FAM161B: variants seen among roughly 807,000 people sequenced by gnomAD.
The protein encoded by FAM161B is protein FAM161B.
A neutral mutation model predicts 61.5 loss-of-function variants in FAM161B; 46 were observed. That is an observed-to-expected ratio of 0.75 (90% CI 0.59 to 0.96). The LOEUF (loss-of-function observed/expected upper bound fraction) is 0.96, where lower values mean the gene tolerates loss of function less well. Ranked by LOEUF, FAM161B falls within the 40% of genes least tolerant of loss-of-function variation. The pLI is 0.00. For synonymous variants in FAM161B, 284 were observed against 302.7 expected, an observed-to-expected ratio of 0.94 and a Z score of 0.64; for missense variants, 774 against 800.7, an observed-to-expected ratio of 0.97 and a Z score of 0.40.
At position 73,944,579 on chromosome 14, in the gene FAM161B, C is replaced by T. The variant is rs201146693; in HGVS notation, c.681G>A (p.Leu227=). ...GCTCCATGATCTCTTGGTAGAGGGG[C>T]AGGTAGACATGTGCAGGCACAGGCT... The part of the protein sequence containing the change: ...RAQPVPAHVY[L]PLYQEIMERS... Residue 227 remains leucine, a synonymous_variant, in exon 3 of 9, where the codon CTG becomes CTA. Transcript: ENST00000286544. The T allele has an allele frequency of 6.2e-7, 1 of 1,614,102 alleles. No homozygotes were observed. The highest frequency in any genetic ancestry group is 8.5e-7 in the Non-Finnish European group (1 of 1,180,014).
At chr14:73,930,336 T>A (rs987984441), downstream of FAM161B, among the ~76,000 whole-genome samples, 4 of 152,118 alleles carry the variant, frequency 2.6e-5, no homozygotes, top group Non-Finnish European at 5.9e-5. Flanking sequence ...TAAAAAAAAG[T>A]TTTTTTGGTG....
chr14:73,926,380 C>CT, the FAM161B span, among the ~76,000 whole-genome samples: 49 of 151,204 alleles, frequency 3.2e-4, no homozygotes, highest in South Asian at 8.3e-4. Context: ...TATAATAGTC[C>CT]TTTTTTTTCA....
intron 8 of FAM161B, 60 bp from the exon 9 acceptor site, chr14:73,934,454 C>T (rs1454308950): frequency 3.9e-6 from 6 of 1,527,164 alleles, no homozygotes; most frequent in Admixed American, 4.0e-5. Flanking sequence ...CAGGGTCTCA[C>T]TCTCACCCAG....
At position 73,941,068 on chromosome 14, in the gene FAM161B, G is replaced by C. The variant is rs1451915699; in HGVS notation, c.1273-15C>G. ...TGTGGGGAATCCTAGAAGAAACAAA[G>C]GTTGGTATTGGTGGGACAGCATGTG... On this transcript the variant is annotated splice_polypyrimidine_tract_variant and intron_variant, in intron 4 of 8. Transcript: ENST00000286544. 8 of 1,596,288 alleles carry C rather than the reference G, an allele frequency of 5.0e-6. No homozygotes were observed. The highest frequency in any genetic ancestry group is 6.8e-6 in the Non-Finnish European group (8 of 1,169,030).
downstream of FAM161B, chr14:73,927,089 AT>A (rs113156661): frequency 0.08 from 12,075 of 151,580 alleles, 608 homozygotes; most frequent in African/African-American, 0.17. Flanking sequence ...GTTTATTATG[AT>A]TTTTTTTTTT....
At chr14:73,944,933 C>G in intron 2 of FAM161B, 48 bp from the exon 3 acceptor site, 1 of 1,446,328 alleles carries the variant, frequency 6.9e-7, no homozygotes, top group East Asian at 2.4e-5. Flanking sequence ...AGTCAGGAGG[C>G]CCTGCTCCCT....
At chr14:73,945,619 C>A (rs12878756) in intron 2 of FAM161B, among the ~76,000 whole-genome samples, 5 of 151,502 alleles carry the variant, frequency 3.3e-5, no homozygotes, top group African/African-American at 4.9e-5. Flanking sequence ...TTAGTAGAGA[C>A]GGGGTTTCAC....
rs1459676228 is a variant in FAM161B at position 73,946,296 on chromosome 14, G to A, written c.364C>T (p.Gln122Ter). ...DRGMVQVQCP[Q>*]ALRCGSTRRC... ...GCTGCAGTGCCTTACCTCAGAGCCT[G>A]CGGGCACTGGACCTGCACCATCCCC... The change falls in exon 2 of 9, where the codon CAG (glutamine) becomes TAG (stop). Residue 122 changes from glutamine to a stop codon, truncating the protein, a stop_gained. Coordinates refer to ENST00000286544, the MANE Select transcript of FAM161B (RefSeq NM_152445.3). LOFTEE classifies it high-confidence loss of function. 6.2e-7 allele frequency: 1 copy of A among 1,612,648 alleles called. No homozygotes were observed. The highest frequency in any genetic ancestry group is 1.3e-5 in the African/African-American group (1 of 74,908).
At chr14:73,947,215 G>C (rs1290635376) in intron 1 of FAM161B, among the ~76,000 whole-genome samples, 1 of 151,950 alleles carries the variant, frequency 6.6e-6, no homozygotes, top group Non-Finnish European at 1.5e-5. Context: ...GTGAAATCCC[G>C]TCTCTACAAA....
At position 73,946,303 on chromosome 14, in the gene FAM161B, C is replaced by T; in HGVS notation, c.357G>A (p.Gln119=). 6.2e-7 allele frequency: 1 copy of T among 1,613,334 alleles called. No individual in the cohort carries two copies. The highest frequency in any genetic ancestry group is 2.2e-5 in the East Asian group (1 of 44,870). The change falls in exon 2 of 9, where the codon CAG becomes CAA. Residue 119 remains glutamine, a synonymous_variant. Coordinates refer to ENST00000286544, the MANE Select transcript of FAM161B (RefSeq NM_152445.3). ...TGCCTTACCTCAGAGCCTGCGGGCA[C>T]TGGACCTGCACCATCCCCCTGTCCT... ...QDKDRGMVQV[Q]CPQALRCGST... is the part of the protein sequence containing the mutation.
Position 73,940,970 on chromosome 14 carries a change from AGG to A in FAM161B, c.1354_1355del (p.Pro452CysfsTer19). On this transcript the variant is annotated frameshift_variant, in exon 5 of 9. Transcript: ENST00000286544. LOFTEE classifies it high-confidence loss of function. ...TCCTGGTGGCATCTGTGATGTGCAC[AGG>A]GAGAGTGTTGGCAGAGAGGGAAGCA... ...GLASLSANTL[P>X]VHITDATRKR... The A allele has an allele frequency of 6.2e-7, 1 of 1,613,742 alleles. No individual in the cohort carries two copies. The highest frequency in any genetic ancestry group is 8.5e-7 in the Non-Finnish European group (1 of 1,179,744).
chr14:73,945,558 A>C (rs1339902461), intron 2 of FAM161B, among the ~76,000 whole-genome samples: 1 of 151,776 alleles, frequency 6.6e-6, no homozygotes, highest in Non-Finnish European at 1.5e-5. Context: ...CCTTCCGAGT[A>C]GCTGGGATTA....
At position 73,944,541 on chromosome 14, in the gene FAM161B, C is replaced by T. The variant is rs778856278; in HGVS notation, c.719G>A (p.Arg240Gln). 7.4e-6 allele frequency: 12 copies of T among 1,613,992 alleles called. No homozygotes were observed. The highest frequency in any genetic ancestry group is 3.3e-5 in the Admixed American group (2 of 60,000). ...YQEIMERSEA[R>Q]RQAGIQKRKE... ...CCTCTTCTGGATCCCTGCCTGCCTT[C>T]GGGCCTCGCTGCGCTCCATGATCTC... The change falls in exon 3 of 9, where the codon CGA (arginine) becomes CAA (glutamine). Residue 240 changes from arginine to glutamine, a missense_variant. Physicochemically the swap from Arg to Gln is conservative, Grantham distance 43. Transcript: ENST00000286544.
downstream of FAM161B, chr14:73,931,571 T>G (rs757181168): frequency 3.1e-6 from 5 of 1,605,602 alleles, no homozygotes; most frequent in Non-Finnish European, 8.5e-7. Flanking sequence ...GAAGAGCAAC[T>G]CTATCTGATC....
At chr14:73,924,740 G>A in the FAM161B span, 18 of 427,460 alleles carry the variant, frequency 4.2e-5, no homozygotes, top group South Asian at 2.2e-4. Context: ...GCAGTGGTGC[G>A]TTCTCGGCTC....
chr14:73,925,693 G>C, the FAM161B span, among the ~76,000 whole-genome samples: 1 of 152,100 alleles, frequency 6.6e-6, no homozygotes, highest in Non-Finnish European at 1.5e-5. Context: ...CTCCCAAAGT[G>C]CTGGGATTAC....
intron 6 of FAM161B, 80 bp downstream of exon 6, chr14:73,937,868 T>C: frequency 5.0e-6 from 8 of 1,590,480 alleles, no homozygotes; most frequent in Non-Finnish European, 6.8e-6. Flanking sequence ...GATAACTCTA[T>C]TTTGCATTTT....
chr14:73,950,012 C>A lies in FAM161B; in HGVS notation c.15G>T (p.Arg5Ser). 1 of 1,613,052 alleles carries A rather than the reference C, an allele frequency of 6.2e-7. No individual in the cohort carries two copies. Among genetic ancestry groups the A allele is most frequent in the Non-Finnish European group, 8.5e-7 (1 of 1,180,016 alleles). Residue 5 changes from arginine to serine, a missense_variant, in exon 1 of 9, where the codon AGG becomes AGT. Coordinates refer to ENST00000286544, the MANE Select transcript of FAM161B (RefSeq NM_152445.3). MTVG[R>S]PEGAPGGAEG... ...CCGCGCCTCCGGGGGCTCCCTCAGG[C>A]CTCCCCACGGTCATTTCAGCTGGAC...
rs781574826 is a variant in FAM161B at position 73,950,037 on chromosome 14, C to G, written c.-11G>C. The G allele has an allele frequency of 8.1e-6, 13 of 1,611,816 alleles. 1 individual carries two copies. The highest frequency in any genetic ancestry group is 1.1e-5 in the Non-Finnish European group (13 of 1,180,014). ...CCTCCCCACGGTCATTTCAGCTGGA[C>G]AGAGGCAGCAGCGACAGTGACAGCG... On this transcript the variant is annotated 5_prime_UTR_variant, in exon 1 of 9. Transcript: ENST00000286544.
Sources: allele counts gnomAD v4.1 joint callset (sites outside exome capture counted in the v4.1 genomes callset), GRCh38; gene constraint gnomAD v4.1.1; transcripts MANE v1.5; gene names NCBI Gene and HGNC (gene_info 2026-07-23, HGNC 2026-07-21).